The following SHISA9 variants were observed in gnomAD, a reference collection of about 807,000 sequenced individuals.
The protein encoded by SHISA9 is shisa family member 9, also known as protein shisa-9.
In SHISA9, 13 loss-of-function variants were observed where a neutral mutation model predicts 38.0. The observed-to-expected ratio is 0.34, with a 90% CI of 0.22 to 0.54. SHISA9 has a LOEUF of 0.54. Among genes scored for constraint, SHISA9 ranks in the 20% least tolerant of loss-of-function variants. The pLI, the probability that SHISA9 is intolerant of heterozygous loss-of-function variation, is 0.91. For missense variants in SHISA9, 538 were observed against 575.8 expected, an observed-to-expected ratio of 0.93 and a Z score of 0.67; for synonymous variants, 275 against 242.0, an observed-to-expected ratio of 1.14 and a Z score of -1.27.
At chr16:13,133,799 G>A (rs1001295168) in intron 2 of SHISA9, among the ~76,000 whole-genome samples, 2 of 152,078 alleles carry the variant, frequency 1.3e-5, no homozygotes, top group African/African-American at 2.4e-5. Context: ...CTATCAACTC[G>A]TTCATTCATT....
At chr16:13,368,853 T>C in the SHISA9 span, among the ~76,000 whole-genome samples, 1 of 152,144 alleles carries the variant, frequency 6.6e-6, no homozygotes, top group Non-Finnish European at 1.5e-5. Flanking sequence ...TAGCATATGA[T>C]TGACAGGGAG....
intron 2 of SHISA9, among the ~76,000 whole-genome samples, chr16:13,015,529 C>G (rs1252139201): frequency 6.6e-6 from 1 of 152,226 alleles, no homozygotes; most frequent in African/African-American, 2.4e-5. Context: ...CCCCAACAAA[C>G]TGAAAACAAA....
chr16:13,356,598 C>G, the SHISA9 span, among the ~76,000 whole-genome samples: 1 of 152,038 alleles, frequency 6.6e-6, no homozygotes, highest in Non-Finnish European at 1.5e-5. Context: ...GGATTGGGAC[C>G]TAGCTCGGCC....
intron 3 of SHISA9, among the ~76,000 whole-genome samples, chr16:13,206,212 T>C (rs1463964748): frequency 1.3e-5 from 2 of 152,208 alleles, no homozygotes; most frequent in Admixed American, 1.3e-4. Context: ...TCTTTAGTTA[T>C]TCATAAAATT....
the SHISA9 span, among the ~76,000 whole-genome samples, chr16:13,413,699 G>A: frequency 6.7e-6 from 1 of 149,292 alleles, no homozygotes. Context: ...GAAGGTTTGC[G>A]GTGAGCTGAG....
At chr16:13,559,554 T>C in the SHISA9 span, among the ~76,000 whole-genome samples, 8 of 151,918 alleles carry the variant, frequency 5.3e-5, no homozygotes, top group Non-Finnish European at 1.2e-4. Flanking sequence ...ATTTTATATA[T>C]ATATTTTTTC....
At chr16:13,462,634 G>T in the SHISA9 span, among the ~76,000 whole-genome samples, 1 of 152,068 alleles carries the variant, frequency 6.6e-6, no homozygotes, top group Non-Finnish European at 1.5e-5. Flanking sequence ...AAACCAGCCT[G>T]GCCAACATGG....
At chr16:12,973,810 C>T (rs921814758) in intron 2 of SHISA9, among the ~76,000 whole-genome samples, 3 of 152,122 alleles carry the variant, frequency 2.0e-5, no homozygotes, top group Non-Finnish European at 2.9e-5. Context: ...CTTCAGAAGG[C>T]TATGTTCTGG....
intron 2 of SHISA9, among the ~76,000 whole-genome samples, chr16:13,088,952 T>G (rs567332063): frequency 1.3e-5 from 2 of 152,284 alleles, no homozygotes; most frequent in South Asian, 4.1e-4. Flanking sequence ...TGGGTTTGTC[T>G]TAAATAGCTC....
intron 2 of SHISA9, among the ~76,000 whole-genome samples, chr16:12,933,286 AGTTGTCTTT>A (rs1316572300): frequency 3.3e-5 from 5 of 151,910 alleles, no homozygotes; most frequent in Non-Finnish European, 5.9e-5. Flanking sequence ...GCCAATTCAG[AGTTGTCTTT>A]GTTGTCTTTT....
At chr16:13,197,293 G>C (rs780081368) in intron 2 of SHISA9, among the ~76,000 whole-genome samples, 1 of 152,100 alleles carries the variant, frequency 6.6e-6, no homozygotes, top group Non-Finnish European at 1.5e-5. Flanking sequence ...GATATGCTTT[G>C]AAGGAGTCAT....
chr16:13,098,545 C>T (rs940639715), intron 2 of SHISA9, among the ~76,000 whole-genome samples: 3 of 152,286 alleles, frequency 2.0e-5, no homozygotes, highest in Admixed American at 1.3e-4. Context: ...GGGAGGTTCT[C>T]TTTGTAAAAC....
chr16:13,160,304 A>G (rs2050584016), intron 2 of SHISA9, among the ~76,000 whole-genome samples: 1 of 152,160 alleles, frequency 6.6e-6, no homozygotes, highest in African/African-American at 2.4e-5. Flanking sequence ...ATAGTGCTTG[A>G]TATCTTGATT....
At chr16:13,459,621 G>A in the SHISA9 span, among the ~76,000 whole-genome samples, 2 of 152,100 alleles carry the variant, frequency 1.3e-5, no homozygotes, top group Non-Finnish European at 2.9e-5. Context: ...TTTTTTATCA[G>A]ATGGGTAAAG....
chr16:12,901,910 C>T lies in SHISA9; in HGVS notation c.-155C>T. 7.7e-6 allele frequency: 3 copies of T among 389,424 alleles called. No homozygotes were observed. Among genetic ancestry groups the T allele is most frequent in the Non-Finnish European group, 8.0e-6 (2 of 249,328 alleles). 24.1% of individuals were successfully genotyped at this position (389,424 alleles called of 1,614,324 possible). A position where few individuals can be genotyped will look rare whatever the true frequency, so the allele number is the denominator to read the frequency against. On this transcript the variant is annotated 5_prime_UTR_variant, in exon 1 of 5. Coordinates refer to ENST00000558583, the MANE Select transcript of SHISA9 (RefSeq NM_001145204.3). The stretch of plus-strand genomic sequence containing the variant: ...CGGGCTGAGCCGAGCGCAGTGGCCG[C>T]CGACCACCGAGCGCCCCGCGCCGCT...
chr16:13,044,161 G>C (rs552996985), intron 2 of SHISA9, among the ~76,000 whole-genome samples: 1 of 152,292 alleles, frequency 6.6e-6, no homozygotes, highest in Admixed American at 6.5e-5. Flanking sequence ...GGGTCCTAAA[G>C]GAGGTCTAAT....
the SHISA9 span, among the ~76,000 whole-genome samples, chr16:13,278,659 C>G: frequency 6.6e-6 from 1 of 151,830 alleles, no homozygotes; most frequent in African/African-American, 2.4e-5. Context: ...TGTATTTTTC[C>G]AAGAATTTAT....
At chr16:13,362,405 G>A in the SHISA9 span, among the ~76,000 whole-genome samples, 155 of 152,204 alleles carry the variant, frequency 1.0e-3, no homozygotes, top group Non-Finnish European at 1.0e-3. Flanking sequence ...TCCAGCCTGG[G>A]CAACAGAGGG....
rs1475181294 is a variant in SHISA9, at chr16:12,966,402, C to CTATGTACCAACA, written c.691+49596_691+49597insACATATGTACCA. On this transcript the variant is annotated intron_variant, in intron 2 of 4. Transcript: ENST00000558583. Reference sequence around the variant, plus strand: ...CTTGTATGACAAGAAGGAGTGCCAACTATGTACCAGATATGTGCGTTCTTT... The same window carrying CTATGTACCAACA: ...CTTGTATGACAAGAAGGAGTGCCAACTATGTACCAACATATGTACCAGATATGTGCGTTCTTT... 3.3e-5 allele frequency among the ~76,000 whole-genome samples: 5 copies of CTATGTACCAACA among 152,270 alleles called. No homozygotes were observed. In the South Asian group the frequency reaches 1.0e-3, roughly 32 times the overall value.
Sources: allele counts gnomAD v4.1 joint callset (sites outside exome capture counted in the v4.1 genomes callset), GRCh38; gene constraint gnomAD v4.1.1; transcripts MANE v1.5; gene names NCBI Gene and HGNC (gene_info 2026-07-23, HGNC 2026-07-21).